SLIT3: variants seen among roughly 807,000 people sequenced by gnomAD.
SLIT3 encodes slit homolog 3 protein.
In SLIT3, 68 loss-of-function variants were observed where a neutral mutation model predicts 184.0. The ratio of observed to expected loss-of-function variants is 0.37; its 90% confidence interval spans 0.30 to 0.45. The LOEUF is 0.45. Ranked by LOEUF, SLIT3 falls within the 20% of genes least tolerant of loss-of-function variation. The probability of loss-of-function intolerance (pLI) is 1.00; values close to 1 mark genes in which losing one functional copy is unlikely to be tolerated. For synonymous variants in SLIT3, 831 were observed against 828.6 expected, an observed-to-expected ratio of 1.00 and a Z score of -0.05; for missense variants, 1,707 against 2,026.0, an observed-to-expected ratio of 0.84 and a Z score of 3.02.
At chr5:169,130,956 T>C in intron 4 of SLIT3, among the ~76,000 whole-genome samples, 1 of 152,066 alleles carries the variant, frequency 6.6e-6, no homozygotes, top group East Asian at 1.9e-4. Flanking sequence ...TAGATACGTA[T>C]TTAAGTGGTG....
intron 4 of SLIT3, among the ~76,000 whole-genome samples, chr5:169,016,718 C>T (rs942922716): frequency 2.6e-5 from 4 of 152,168 alleles, no homozygotes; most frequent in African/African-American, 9.7e-5. Context: ...AGATTCTGCC[C>T]TTGGCACCTC....
At chr5:168,731,613 A>G (rs1763292721) in intron 20 of SLIT3, among the ~76,000 whole-genome samples, 1 of 152,100 alleles carries the variant, frequency 6.6e-6, no homozygotes, top group Non-Finnish European at 1.5e-5. Context: ...GACCATGATC[A>G]GGTTGTGATT....
intron 4 of SLIT3, chr5:169,120,031 A>G (rs1760823859): frequency 6.6e-6 from 1 of 152,232 alleles, no homozygotes; most frequent in Non-Finnish European, 1.5e-5. Flanking sequence ...CCAGCCTTGG[A>G]TGTGGCTCTT....
intron 3 of SLIT3, among the ~76,000 whole-genome samples, chr5:169,234,546 G>A (rs1413706203): frequency 6.6e-6 from 1 of 152,166 alleles, no homozygotes; most frequent in Non-Finnish European, 1.5e-5. Flanking sequence ...TGGGACTACA[G>A]GCGTGTGCCA....
Position 168,762,673 on chromosome 5 carries a change from G to A in SLIT3, c.1476C>T (p.Arg492=), listed in dbSNP as rs1755200777. Residue 492 remains arginine (R), a synonymous_variant, in exon 15 of 36, where the codon CGC becomes CGT. Transcript: ENST00000519560. ...KFRCSGSEDY[R]SRFSSECFMD... ...TGAAGCACTCGCTGCTGAACCTGCT[G>A]CGGTAATCCTCGGAGCCTGGGAGGG... 1 of 1,613,790 alleles carries A rather than the reference G, an allele frequency of 6.2e-7. No individual in the cohort carries two copies. Among genetic ancestry groups the A allele is most frequent in the South Asian group, 1.1e-5 (1 of 91,088 alleles).
chr5:168,850,551 G>A (rs1581144417), intron 5 of SLIT3, among the ~76,000 whole-genome samples: 1 of 150,408 alleles, frequency 6.6e-6, no homozygotes, highest in Non-Finnish European at 1.5e-5. Flanking sequence ...GAGATATTTA[G>A]ATAATTGATT....
At position 169,071,245 on chromosome 5, in the gene SLIT3, C is replaced by T. The variant is rs76821039; in HGVS notation, c.413+122234G>A. The stretch of plus-strand genomic sequence containing the variant: ...CAGAAAGTGCCATGTTGGCTTCAGT[C>T]CCTGAATGGGGCTCATGTAATGAAC... On this transcript the variant is annotated intron_variant, in intron 4 of 35. Coordinates refer to ENST00000519560, the MANE Select transcript of SLIT3 (RefSeq NM_003062.4). Among the ~76,000 whole-genome samples, 598 of 152,300 alleles carry T rather than the reference C, an allele frequency of 3.9e-3. 4 individuals are homozygous for T. Among genetic ancestry groups the T allele is most frequent in the African/African-American group, 0.014 (574 of 41,558 alleles).
At chr5:169,077,690 G>C (rs1021353381) in intron 4 of SLIT3, among the ~76,000 whole-genome samples, 1 of 152,160 alleles carries the variant, frequency 6.6e-6, no homozygotes, top group African/African-American at 2.4e-5. Flanking sequence ...ATTTTTGACT[G>C]TGTGGGGGGT....
intron 4 of SLIT3, among the ~76,000 whole-genome samples, chr5:169,070,327 T>C (rs1450780508): frequency 6.6e-6 from 1 of 152,140 alleles, no homozygotes; most frequent in Admixed American, 6.6e-5. Flanking sequence ...GCTGCTATCA[T>C]TAAGTTCCAG....
chr5:168,793,167 G>A (rs114787607), intron 10 of SLIT3, among the ~76,000 whole-genome samples: 28 of 152,226 alleles, frequency 1.8e-4, no homozygotes, highest in African/African-American at 6.5e-4. Context: ...TTTTTTATAC[G>A]AAGGTAACCA....
At chr5:168,989,367 G>A (rs1469355343) in intron 4 of SLIT3, among the ~76,000 whole-genome samples, 1 of 152,228 alleles carries the variant, frequency 6.6e-6, no homozygotes. Context: ...CAAAATAGAA[G>A]ATGAGCTGCA....
chr5:169,056,476 A>C (rs1401307536), intron 4 of SLIT3, among the ~76,000 whole-genome samples: 2 of 152,170 alleles, frequency 1.3e-5, no homozygotes. Context: ...TTGTCTTTTC[A>C]ATGAACACTG....
intron 4 of SLIT3, among the ~76,000 whole-genome samples, chr5:169,139,199 T>C (rs1386032740): frequency 3.9e-5 from 6 of 152,330 alleles, no homozygotes; most frequent in Admixed American, 2.0e-4. Context: ...AAGACTTTCT[T>C]GTGTACCTAG....
chr5:169,254,928 G>C (rs2113601474), intron 1 of SLIT3, among the ~76,000 whole-genome samples: 1 of 152,352 alleles, frequency 6.6e-6, no homozygotes, highest in Admixed American at 6.5e-5. Context: ...ACCCACAGAA[G>C]CTGTAAGAGA....
intron 9 of SLIT3, among the ~76,000 whole-genome samples, chr5:168,804,070 G>A (rs1032402718): frequency 7.2e-5 from 11 of 152,034 alleles, no homozygotes; most frequent in Admixed American, 5.9e-4. Context: ...ACTTTAGGAG[G>A]CCGAGGCGGG....
chr5:168,758,944 C>T (rs1755045636), intron 16 of SLIT3, among the ~76,000 whole-genome samples: 1 of 152,164 alleles, frequency 6.6e-6, no homozygotes, highest in Non-Finnish European at 1.5e-5. Flanking sequence ...TCTGAAGGTT[C>T]AATGTACTTG....
chr5:168,781,822 A>G (rs1291726034), intron 12 of SLIT3, among the ~76,000 whole-genome samples: 1 of 152,138 alleles, frequency 6.6e-6, no homozygotes, highest in Non-Finnish European at 1.5e-5. Context: ...TGCTGTGGTT[A>G]AGGGCATGGA....
At chr5:169,000,392 CAAAAAAAAAAAAAA>C (rs34002967) in intron 4 of SLIT3, among the ~76,000 whole-genome samples, 1 of 42,316 alleles carries the variant, frequency 2.4e-5, no homozygotes, top group East Asian at 8.5e-4. Context: ...AACTCCATCT[CAAAAAAAAAAAAAA>C]AAAAAAAAAA....
At chr5:169,091,541 C>T (rs924787999) in intron 4 of SLIT3, among the ~76,000 whole-genome samples, 3 of 152,248 alleles carry the variant, frequency 2.0e-5, no homozygotes, top group Admixed American at 2.0e-4. Context: ...TGTTGTACAG[C>T]ATTTTTCTGA....
Sources: allele counts gnomAD v4.1 joint callset (sites outside exome capture counted in the v4.1 genomes callset), GRCh38; gene constraint gnomAD v4.1.1; transcripts MANE v1.5; gene names NCBI Gene and HGNC (gene_info 2026-07-23, HGNC 2026-07-21).